The following FHOD3 variants were observed in gnomAD, a reference collection of about 807,000 sequenced individuals.
The protein encoded by FHOD3 is formin homology 2 domain containing 3, also known as FH1/FH2 domain-containing protein 3.
In FHOD3, 90 loss-of-function variants were observed where a neutral mutation model predicts 173.0. The observed-to-expected ratio is 0.52, with a 90% confidence interval of 0.44 to 0.62. The LOEUF is 0.62. FHOD3 is among the 20% of genes least tolerant of loss of function. The pLI, the probability that FHOD3 is intolerant of heterozygous loss-of-function variation, is 0.00. For synonymous variants in FHOD3, 828 were observed against 823.0 expected (o/e 1.01, Z -0.10); for missense variants, 1,945 against 2,034.7 (o/e 0.96, Z 0.85).
At position 36,736,421 on chromosome 18, in the gene FHOD3, C is replaced by T. The variant is rs529441682; in HGVS notation, c.3577-4235C>T. On this transcript the variant is annotated intron_variant, in intron 20 of 28. Coordinates refer to ENST00000590592, the MANE Select transcript of FHOD3 (RefSeq NM_001281740.3). ...CTATGGCACCAGAGCTCTTGTTTAG[C>T]GTCCAGAAAAAATCAGGTCACATAA... Among the ~76,000 whole-genome samples, 13 of 152,236 alleles carry T rather than the reference C, an allele frequency of 8.5e-5. No homozygotes were observed. The East Asian group carries it at 1.4e-3, about 16-fold the overall frequency.
At chr18:36,752,148 G>T (rs1460503898) in intron 24 of FHOD3, among the ~76,000 whole-genome samples, 1 of 152,134 alleles carries the variant, frequency 6.6e-6, no homozygotes, top group African/African-American at 2.4e-5. Flanking sequence ...ACAAGAACAG[G>T]ATGGGGGATA....
intron 17 of FHOD3, among the ~76,000 whole-genome samples, chr18:36,705,263 G>T (rs1403884458): frequency 6.6e-6 from 1 of 152,164 alleles, no homozygotes; most frequent in Non-Finnish European, 1.5e-5. Context: ...CTCCTGCCAG[G>T]CCACGCAGCT....
At chr18:36,387,269 CTT>C (rs979123097) in intron 3 of FHOD3, among the ~76,000 whole-genome samples, 1 of 152,118 alleles carries the variant, frequency 6.6e-6, no homozygotes, top group Non-Finnish European at 1.5e-5. Context: ...GGACATGACA[CTT>C]TTGTCAAAAA....
chr18:36,606,040 G>A (rs535365171), intron 8 of FHOD3, among the ~76,000 whole-genome samples: 19 of 152,262 alleles, frequency 1.2e-4, no homozygotes, highest in African/African-American at 2.6e-4. Flanking sequence ...AGGGGTTACC[G>A]TGAGGCTGGC....
chr18:36,618,655 G>T (rs1184981429), intron 9 of FHOD3, among the ~76,000 whole-genome samples: 2 of 152,072 alleles, frequency 1.3e-5, no homozygotes, highest in African/African-American at 4.8e-5. Context: ...AATTCTGGTT[G>T]GTACTAATTT....
At chr18:36,704,766 T>A (rs1037793487) in intron 17 of FHOD3, among the ~76,000 whole-genome samples, 1 of 152,124 alleles carries the variant, frequency 6.6e-6, no homozygotes, top group East Asian at 1.9e-4. Context: ...GCAGTTCCTG[T>A]GAAGTGCTCA....
At chr18:36,526,036 G>A (rs1434583408) in intron 5 of FHOD3, among the ~76,000 whole-genome samples, 1 of 152,242 alleles carries the variant, frequency 6.6e-6, no homozygotes, top group Non-Finnish European at 1.5e-5. Flanking sequence ...CATGGGCACT[G>A]GGCCACCCTT....
At chr18:36,600,875 A>G (rs1279261783) in intron 7 of FHOD3, among the ~76,000 whole-genome samples, 2 of 152,194 alleles carry the variant, frequency 1.3e-5, no homozygotes, top group East Asian at 3.8e-4. Context: ...TCTCCCCTGC[A>G]CATTCTTCCT....
intron 17 of FHOD3, among the ~76,000 whole-genome samples, chr18:36,703,219 A>G (rs1213060583): frequency 6.6e-6 from 1 of 152,222 alleles, no homozygotes; most frequent in Non-Finnish European, 1.5e-5. Flanking sequence ...CAGTGGCCTG[A>G]CAACCTCTGC....
At chr18:36,759,017 G>T (rs1237690808) in intron 25 of FHOD3, 101 bp from the exon 26 acceptor site, 8 of 1,327,052 alleles carry the variant, frequency 6.0e-6, no homozygotes, top group African/African-American at 1.5e-5. Flanking sequence ...TATTTACTTG[G>T]AATTTTATGT....
intron 19 of FHOD3, 68 bp downstream of exon 19, chr18:36,718,783 A>C: frequency 6.5e-7 from 1 of 1,529,740 alleles, no homozygotes. Context: ...CGTTCTGTAT[A>C]AAATACTATT....
intron 16 of FHOD3, among the ~76,000 whole-genome samples, chr18:36,690,952 A>G (rs769489845): frequency 4.6e-5 from 7 of 152,178 alleles, no homozygotes; most frequent in African/African-American, 7.2e-5. Context: ...ACACATAAAC[A>G]TCATGTTTTG....
At chr18:36,355,516 A>G (rs1193167938) in intron 1 of FHOD3, 23 bp from the exon 2 acceptor site, 4 of 1,605,728 alleles carry the variant, frequency 2.5e-6, no homozygotes, top group Non-Finnish European at 3.4e-6. Flanking sequence ...CAGGTTGGGT[A>G]TAACAGGCTC....
At chr18:36,347,655 A>G (rs976631772) in intron 1 of FHOD3, among the ~76,000 whole-genome samples, 3 of 152,198 alleles carry the variant, frequency 2.0e-5, no homozygotes, top group African/African-American at 7.2e-5. Flanking sequence ...TCATCCTAAA[A>G]CATTTATTAA....
intron 5 of FHOD3, among the ~76,000 whole-genome samples, chr18:36,518,390 T>C: frequency 6.6e-6 from 1 of 152,186 alleles, no homozygotes; most frequent in East Asian, 1.9e-4. Context: ...TCATGGTAGC[T>C]GTACAGCTAG....
intron 17 of FHOD3, among the ~76,000 whole-genome samples, chr18:36,695,095 C>T (rs1352646705): frequency 6.6e-6 from 1 of 151,700 alleles, no homozygotes; most frequent in Non-Finnish European, 1.5e-5. Context: ...GTAATCCCAG[C>T]ACTTTGGGAG....
At chr18:36,526,701 C>T (rs1002234975) in intron 5 of FHOD3, among the ~76,000 whole-genome samples, 1 of 152,176 alleles carries the variant, frequency 6.6e-6, no homozygotes, top group Non-Finnish European at 1.5e-5. Context: ...CCATGCCTGG[C>T]CCATAATTCA....
chr18:36,620,514 C>T (rs569398929), intron 9 of FHOD3, among the ~76,000 whole-genome samples: 6 of 152,334 alleles, frequency 3.9e-5, no homozygotes, highest in South Asian at 2.1e-4. Flanking sequence ...TCAGAATGTG[C>T]GACCTGTTTC....
Position 36,718,012 on chromosome 18 carries a change from T to C in FHOD3, c.2714T>C (p.Leu905Pro). 1 of 1,609,898 alleles carries C rather than the reference T, an allele frequency of 6.2e-7. No individual in the cohort carries two copies. The highest frequency in any genetic ancestry group is 2.2e-5 in the East Asian group (1 of 44,856). Residue 905 changes from leucine (L) to proline (P), a missense_variant, in exon 19 of 29, where the codon CTT becomes CCT. Physicochemically the swap from Leu to Pro is moderately conservative, Grantham distance 98. This residue lies in a region of FHOD3 where 1,099 missense variants were observed against 1,051.2 expected (regional missense o/e 1.05). Coordinates refer to ENST00000590592, the MANE Select transcript of FHOD3 (RefSeq NM_001281740.3). ...TQQEAEAVASLATRISTLQAN... is the reference protein window; with the variant it reads ...TQQEAEAVASPATRISTLQAN... ...CAGGAGGCAGAGGCGGTAGCCAGCCTTGCTACCAGGATATCCACCCTGCAG... is the reference window on the plus strand; with the variant it reads ...CAGGAGGCAGAGGCGGTAGCCAGCCCTGCTACCAGGATATCCACCCTGCAG...
Sources: gnomAD v4.1 joint callset for allele counts (sites outside exome capture counted in the v4.1 genomes callset) on GRCh38, gnomAD v4.1.1 for gene constraint, gnomAD v4.1.1 regional missense constraint, MANE v1.5 for transcripts, NCBI Gene and HGNC (gene_info 2026-07-23, HGNC 2026-07-21) for gene names.